VSIG2: variants seen among roughly 807,000 people sequenced by gnomAD.
VSIG2 encodes V-set and immunoglobulin domain containing 2, also known as V-set and immunoglobulin domain-containing protein 2.
A neutral mutation model predicts 29.4 loss-of-function variants in VSIG2; 30 were observed. The ratio of observed to expected loss-of-function variants is 1.02; its 90% CI spans 0.76 to 1.38. The LOEUF is 1.38. Ranked by LOEUF, VSIG2 falls within the 40% of genes most tolerant of loss-of-function variation. The pLI is 0.00. For synonymous variants in VSIG2, 178 were observed against 174.2 expected, an observed-to-expected ratio of 1.02 and a Z score of -0.17; for missense variants, 421 against 400.8, an observed-to-expected ratio of 1.05 and a Z score of -0.43.
chr11:124,751,323 G>C, intron 2 of VSIG2, 100 bp downstream of exon 2: 1 of 1,451,428 alleles, frequency 6.9e-7, no homozygotes. Context: ...TTTCATCCAA[G>C]CATACTGATC....
intron 2 of VSIG2, 28 bp from the exon 3 acceptor site, chr11:124,750,949 G>A (rs1177071108): frequency 1.1e-5 from 18 of 1,609,186 alleles, no homozygotes; most frequent in Non-Finnish European, 1.4e-5. Context: ...ACACACATAT[G>A]TGCCTGTTTC....
In VSIG2 at chr11:124,749,779, G is replaced by A. The variant is rs753298373; in HGVS notation, c.515C>T (p.Ala172Val). The part of the protein sequence containing the change: ...TALRCSSSEG[A>V]PKPVYNWVRL... ...CACCCAGTTGTACACTGGCTTAGGA[G>A]CCCCCTCGGAAGAGCTGCATCTCAG... Residue 172 changes from alanine (A) to valine (V), a missense_variant, in exon 4 of 7, where the codon GCT becomes GTT. Transcript: ENST00000326621. The A allele has an allele frequency of 3.1e-6, 5 of 1,605,484 alleles. No homozygotes were observed. The highest frequency in any genetic ancestry group is 1.4e-5 in the African/African-American group (1 of 73,638).
chr11:124,751,399 T>C, intron 2 of VSIG2, 24 bp downstream of exon 2: 1 of 1,609,086 alleles, frequency 6.2e-7, no homozygotes, highest in Non-Finnish European at 8.5e-7. Flanking sequence ...CCAACCCAGC[T>C]TCATGCAGTC....
chr11:124,749,666 C>T, intron 4 of VSIG2, 42 bp downstream of exon 4: 3 of 1,593,882 alleles, frequency 1.9e-6, no homozygotes, highest in Non-Finnish European at 2.6e-6. Flanking sequence ...CCAGATTTGC[C>T]CAGGTCTCCA....
At position 124,748,539 on chromosome 11, in the gene VSIG2, G is replaced by C; in HGVS notation, c.707-5C>G. Reference sequence around the variant, plus strand: ...CCACTCGGCCTTGGGAGGGTTCTAAGGAGATACAGGACCCTCACTCAGAAT... The same window carrying C: ...CCACTCGGCCTTGGGAGGGTTCTAACGAGATACAGGACCCTCACTCAGAAT... On this transcript the variant is annotated splice_polypyrimidine_tract_variant and splice_region_variant and intron_variant, in intron 5 of 6. Transcript: ENST00000326621. The C allele has an allele frequency of 6.2e-7, 1 of 1,613,512 alleles. No homozygotes were observed. The highest frequency in any genetic ancestry group is 8.5e-7 in the Non-Finnish European group (1 of 1,179,710).
rs1210425769 is a variant in VSIG2, at chr11:124,750,927, G to A, written c.220-6C>T. 6.2e-7 allele frequency: 1 copy of A among 1,613,828 alleles called. No homozygotes were observed. Among genetic ancestry groups the A allele is most frequent in the South Asian group, 1.1e-5 (1 of 91,068 alleles). On this transcript the variant is annotated splice_region_variant and splice_polypyrimidine_tract_variant and intron_variant, in intron 2 of 6. Coordinates refer to ENST00000326621, the MANE Select transcript of VSIG2 (RefSeq NM_014312.5). ...CCATTGGTGAAGTACAGGATCTGGG[G>A]AGAGGCAGAAGACACACATATGTGC...
Position 124,751,434 on chromosome 11 carries a change from CA to C in VSIG2, c.207del (p.Glu70SerfsTer37), listed in dbSNP as rs1407987217. The C allele has an allele frequency of 6.2e-7, 1 of 1,612,374 alleles. No individual in the cohort carries two copies. On this transcript the variant is annotated frameshift_variant, in exon 2 of 7. Coordinates refer to ENST00000326621, the MANE Select transcript of VSIG2 (RefSeq NM_014312.5). LOFTEE classifies it high-confidence loss of function. Reference sequence around the variant, plus strand: ...CGCTCTCAGCTCACTGGATGGGACTCAGAGATGGGTTTCCCAGGCTGCACAA... The same window carrying C: ...CGCTCTCAGCTCACTGGATGGGACTCGAGATGGGTTTCCCAGGCTGCACAA... The part of the protein sequence containing the change: ...WSFVQPGKPI[S>X]ESHPILYFTN...
At chr11:124,749,232 C>T (rs574359720) in intron 4 of VSIG2, among the ~76,000 whole-genome samples, 16 of 152,234 alleles carry the variant, frequency 1.1e-4, no homozygotes, top group Non-Finnish European at 2.1e-4. Context: ...TCATTCATTT[C>T]TGGATTGATA....
intron 6 of VSIG2, 30 bp from the exon 7 acceptor site, chr11:124,747,697 C>G: frequency 6.2e-7 from 1 of 1,603,080 alleles, no homozygotes; most frequent in Non-Finnish European, 8.5e-7. Context: ...TCTGAGTGAA[C>G]AGTAGAAGCC....
Position 124,752,241 on chromosome 11 carries a change from G to T in VSIG2, c.-104C>A. The T allele has an allele frequency of 8.1e-7, 1 of 1,235,746 alleles. No individual in the cohort carries two copies. Among genetic ancestry groups the T allele is most frequent in the Non-Finnish European group, 1.1e-6 (1 of 914,892 alleles). 76.5% of individuals were successfully genotyped at this position (1,235,746 alleles called of 1,614,324 possible). ...CACCCAAGGGCAGCCGCCCGGGCTGGGCAGGAGCGAGACTGGTATCTCAGA... is the reference window on the plus strand; with the variant it reads ...CACCCAAGGGCAGCCGCCCGGGCTGTGCAGGAGCGAGACTGGTATCTCAGA... On this transcript the variant is annotated 5_prime_UTR_variant, in exon 1 of 7. Transcript: ENST00000326621.
At chr11:124,749,893 A>C (rs1406210256) in intron 3 of VSIG2, 27 bp from the exon 4 acceptor site, 2 of 1,524,316 alleles carry the variant, frequency 1.3e-6, no homozygotes, top group Non-Finnish European at 1.8e-6. Flanking sequence ...AAAAAAAAAA[A>C]AACAGAAAGT....
intron 6 of VSIG2, 181 bp downstream of exon 6, chr11:124,748,209 C>CGCTT: frequency 1.5e-6 from 1 of 684,834 alleles, no homozygotes; most frequent in African/African-American, 1.8e-5. Context: ...CACCCTGTAC[C>CGCTT]GCTTGCCTGT....
chr11:124,751,520 G>T lies in VSIG2; in HGVS notation c.122C>A (p.Ala41Asp), dbSNP rs767545319. The change falls in exon 2 of 7, where the codon GCC becomes GAC. Residue 41 changes from alanine to aspartate, a missense_variant. Coordinates refer to ENST00000326621, the MANE Select transcript of VSIG2 (RefSeq NM_014312.5). ...EPLSTPLGKTAELTCTYSTSV... is the reference protein window; with the variant it reads ...EPLSTPLGKTDELTCTYSTSV... The stretch of plus-strand genomic sequence containing the variant: ...CGTGCTGTAGGTGCAGGTCAGCTCG[G>T]CTGTCTTCCCCAGGGGCGTGCTCAG... 1.9e-6 allele frequency: 3 copies of T among 1,612,332 alleles called. No individual in the cohort carries two copies. Among genetic ancestry groups the T allele is most frequent in the Non-Finnish European group, 1.7e-6 (2 of 1,179,936 alleles).
rs151232987 is a variant in VSIG2 at position 124,751,202 on chromosome 11, T to C, written c.219+221A>G. ...ATCAGTCACAACACCTTAGTGTCAA[T>C]GGATACACTAAGGCAGGGGAGTTGG... On this transcript the variant is annotated intron_variant, in intron 2 of 6. Coordinates refer to ENST00000326621, the MANE Select transcript of VSIG2 (RefSeq NM_014312.5). 4.7e-3 allele frequency among the ~76,000 whole-genome samples: 720 copies of C among 151,958 alleles called. 5 individuals are homozygous for C. The highest frequency in any genetic ancestry group is 0.017 in the African/African-American group (685 of 41,418).
intron 3 of VSIG2, among the ~76,000 whole-genome samples, 173 bp from the exon 4 acceptor site, chr11:124,750,039 GA>G (rs768943884): frequency 3.0e-4 from 45 of 152,232 alleles, no homozygotes; most frequent in Non-Finnish European, 5.4e-4. Flanking sequence ...TCCACTATTG[GA>G]AATTCTGATT....
rs756762832 is a variant in VSIG2, at chr11:124,747,513, C to T, written c.*22G>A. On this transcript the variant is annotated 3_prime_UTR_variant, in exon 7 of 7. Coordinates refer to ENST00000326621, the MANE Select transcript of VSIG2 (RefSeq NM_014312.5). The stretch of plus-strand genomic sequence containing the variant: ...TTTAATTATTGATATTCCCCCTCAC[C>T]GCCCTCAGGGATCGGGAGAAGTCAC... 1.1e-5 allele frequency: 17 copies of T among 1,593,628 alleles called. No homozygotes were observed. In the Admixed American group the frequency reaches 2.7e-4, roughly 26 times the overall value.
intron 6 of VSIG2, 64 bp downstream of exon 6, chr11:124,748,326 G>A: frequency 1.3e-6 from 2 of 1,503,580 alleles, no homozygotes; most frequent in South Asian, 1.3e-5. Context: ...AGGGTTGCAG[G>A]CACCCGCTTT....
Position 124,749,884 on chromosome 11 carries a change from A to AAAAC in VSIG2, c.428-19_428-18insGTTT, listed in dbSNP as rs1555108823. The AAAAC allele has an allele frequency of 1.1e-3, 1,544 of 1,460,056 alleles. 16 individuals carry two copies. In the African/African-American group the frequency reaches 0.02, roughly 19 times the overall value. 90.4% of individuals were successfully genotyped at this position (1,460,056 alleles called of 1,614,324 possible). A position where few individuals can be genotyped will look rare whatever the true frequency, so the allele number is the denominator to read the frequency against. ...GGGGGGAACTGCAAAAAAAAAAAAA[A>AAAAC]AAAAAAAAAAACAGAAAGTTCCTCA... is the stretch of plus-strand genomic sequence containing the variant. On this transcript the variant is annotated intron_variant, in intron 3 of 6. Coordinates refer to ENST00000326621, the MANE Select transcript of VSIG2 (RefSeq NM_014312.5).
At chr11:124,749,626 C>T (rs549762114) in intron 4 of VSIG2, 82 bp downstream of exon 4, 222 of 1,523,636 alleles carry the variant, frequency 1.5e-4, no homozygotes, top group South Asian at 1.4e-3. Context: ...AGTCATGGAA[C>T]GGATAATACG....
Sources: allele counts gnomAD v4.1 joint callset (sites outside exome capture counted in the v4.1 genomes callset), GRCh38; gene constraint gnomAD v4.1.1; transcripts MANE v1.5; gene names NCBI Gene and HGNC (gene_info 2026-07-23, HGNC 2026-07-21).